PIK3R1: variants seen among roughly 807,000 people sequenced by gnomAD.
PIK3R1 encodes the protein phosphatidylinositol 3-kinase regulatory subunit alpha.
PIK3R1 carries 29 observed loss-of-function variants against 98.0 expected under a neutral mutation model. That is an observed-to-expected ratio of 0.30 (90% confidence interval 0.22 to 0.40). The LOEUF (loss-of-function observed/expected upper bound fraction) is 0.40, where lower values mean the gene tolerates loss of function less well. Among genes scored for constraint, PIK3R1 ranks in the 10% least tolerant of loss-of-function variants. The pLI is 1.00. For synonymous variants in PIK3R1, 282 were observed against 311.8 expected (o/e 0.90, Z 1.01); for missense variants, 596 against 872.7 (o/e 0.68, Z 3.99).
At chr5:68,265,431 A>C (rs1580224873) in intron 2 of PIK3R1, among the ~76,000 whole-genome samples, 1 of 152,268 alleles carries the variant, frequency 6.6e-6, no homozygotes, top group East Asian at 1.9e-4. Flanking sequence ...AGACATTTAG[A>C]AATCTATTTC....
chr5:68,232,793 AG>A (rs1374562165), intron 2 of PIK3R1, among the ~76,000 whole-genome samples: 1 of 152,176 alleles, frequency 6.6e-6, no homozygotes, highest in African/African-American at 2.4e-5. Context: ...AAATGGGAAA[AG>A]GGTCCAGTGT....
In PIK3R1 at chr5:68,297,749, AAAG is replaced by A; in HGVS notation, c.*152_*154del. 1.2e-5 allele frequency: 8 copies of A among 656,520 alleles called. No individual in the cohort carries two copies. The South Asian group carries it at 1.4e-4, about 12-fold the overall frequency. The allele number at this position is 656,520 out of a possible 1,614,324, so 40.7% of individuals were successfully genotyped here. A position where few individuals can be genotyped will look rare whatever the true frequency, so the allele number is the denominator to read the frequency against. ...TGGGACTAGAGCTTTCTTTCACAAAAAAGAAGTAGGGGAAGACATGCAGCCTAA... is the reference window on the plus strand; with the variant it reads ...TGGGACTAGAGCTTTCTTTCACAAAAAAGTAGGGGAAGACATGCAGCCTAA... On this transcript the variant is annotated 3_prime_UTR_variant, in exon 16 of 16. Coordinates refer to ENST00000521381, the MANE Select transcript of PIK3R1 (RefSeq NM_181523.3).
chr5:68,227,016 A>G lies in PIK3R1; in HGVS notation c.334+7A>G, dbSNP rs771259109. 10 of 1,592,352 alleles carry G rather than the reference A, an allele frequency of 6.3e-6. No individual in the cohort carries two copies. Among genetic ancestry groups the G allele is most frequent in the South Asian group, 1.1e-5 (1 of 88,616 alleles). On this transcript the variant is annotated splice_region_variant and intron_variant, in intron 2 of 15. Coordinates refer to ENST00000521381, the MANE Select transcript of PIK3R1 (RefSeq NM_181523.3). ...GCAGATGTTGAACAACAAGGTCAGT[A>G]TTGATAAGTGGTTGCTTAATGACTC...
intron 7 of PIK3R1, 32 bp from the exon 8 acceptor site, chr5:68,292,227 A>G: frequency 7.1e-7 from 1 of 1,402,732 alleles, no homozygotes; most frequent in South Asian, 1.2e-5. Flanking sequence ...TGTAGTTGGG[A>G]TTGCGAACAA....
chr5:68,259,349 C>T (rs1262822636), intron 2 of PIK3R1, among the ~76,000 whole-genome samples: 2 of 152,080 alleles, frequency 1.3e-5, no homozygotes, highest in African/African-American at 4.8e-5. Flanking sequence ...ACAGCGAGAC[C>T]CCACTATTTA....
intron 2 of PIK3R1, among the ~76,000 whole-genome samples, chr5:68,236,497 C>T (rs1015484294): frequency 3.9e-5 from 6 of 152,044 alleles, no homozygotes; most frequent in African/African-American, 1.4e-4. Flanking sequence ...GATCCGCCCA[C>T]CTCGGCCTCC....
At chr5:68,251,403 G>C (rs953901323) in intron 2 of PIK3R1, among the ~76,000 whole-genome samples, 31 of 151,946 alleles carry the variant, frequency 2.0e-4, no homozygotes, top group Non-Finnish European at 3.4e-4. Context: ...ACCCTGTTAG[G>C]TTCCTTTTTT....
chr5:68,290,304 A>G (rs1747318414), intron 7 of PIK3R1, among the ~76,000 whole-genome samples: 1 of 152,230 alleles, frequency 6.6e-6, no homozygotes, highest in South Asian at 2.1e-4. Flanking sequence ...TGACTGGGCT[A>G]TCTATAAACC....
At chr5:68,279,530 G>A (rs1390928624) in intron 4 of PIK3R1, 72 bp from the exon 5 acceptor site, 10 of 1,073,636 alleles carry the variant, frequency 9.3e-6, no homozygotes, top group African/African-American at 1.7e-5. Flanking sequence ...GAGTCAAATT[G>A]TTCAGAAAAT....
At chr5:68,282,866 A>G (rs1362847251) in intron 7 of PIK3R1, among the ~76,000 whole-genome samples, 4 of 152,144 alleles carry the variant, frequency 2.6e-5, no homozygotes, top group African/African-American at 4.8e-5. Context: ...TTTAAACTCT[A>G]GTTTGAGCCG....
intron 15 of PIK3R1, among the ~76,000 whole-genome samples, chr5:68,296,556 T>G (rs1484099715): frequency 6.6e-6 from 1 of 152,206 alleles, no homozygotes; most frequent in Non-Finnish European, 1.5e-5. Context: ...TACCTACTGT[T>G]TAGTTGGAAG....
intron 7 of PIK3R1, chr5:68,288,241 T>A: frequency 4.8e-6 from 1 of 207,232 alleles, no homozygotes; most frequent in Non-Finnish European, 9.2e-6. Context: ...CAGGCGAAAA[T>A]GAGCAAGTTG....
intron 2 of PIK3R1, among the ~76,000 whole-genome samples, chr5:68,246,877 A>G (rs1393544826): frequency 6.8e-6 from 1 of 147,570 alleles, no homozygotes; most frequent in African/African-American, 2.5e-5. Context: ...TGGTTTTATG[A>G]TTACTGTCAA....
chr5:68,238,967 A>T (rs1744772628), intron 2 of PIK3R1, among the ~76,000 whole-genome samples: 1 of 141,642 alleles, frequency 7.1e-6, no homozygotes, highest in Non-Finnish European at 1.6e-5. Context: ...CTTTCTAGCA[A>T]TAAATGCCAA....
At chr5:68,254,833 T>C (rs1003206015) in intron 2 of PIK3R1, among the ~76,000 whole-genome samples, 2 of 82,422 alleles carry the variant, frequency 2.4e-5, no homozygotes, top group African/African-American at 1.2e-4. Flanking sequence ...TTTTTCTTTT[T>C]TTCTTTTTTT....
intron 1 of PIK3R1, among the ~76,000 whole-genome samples, chr5:68,216,915 A>T (rs1743905518): frequency 6.6e-6 from 1 of 152,128 alleles, no homozygotes; most frequent in Non-Finnish European, 1.5e-5. Context: ...AATGGCTGTT[A>T]CGTGTTGAAT....
In PIK3R1 at chr5:68,288,524, GAGCCA is replaced by G. The variant is rs368045702; in HGVS notation, c.917-3731_917-3727del. ...GTGGGGCGGAGGGACGAGCCGAGCCGAGCCAAGCGGAGCTGGGCCACTGTGCACGC... is the reference window on the plus strand; with the variant it reads ...GTGGGGCGGAGGGACGAGCCGAGCCGAGCGGAGCTGGGCCACTGTGCACGC... On this transcript the variant is annotated intron_variant, in intron 7 of 15. Coordinates refer to ENST00000521381, the MANE Select transcript of PIK3R1 (RefSeq NM_181523.3). 1.2e-3 allele frequency: 1,576 copies of G among 1,365,852 alleles called. 6 individuals are homozygous for G. In the Middle Eastern group the frequency reaches 0.013, roughly 11 times the overall value. 84.6% of individuals were successfully genotyped at this position (1,365,852 alleles called of 1,614,324 possible). A position where few individuals can be genotyped will look rare whatever the true frequency, so the allele number is the denominator to read the frequency against.
At chr5:68,286,979 A>G (rs1055730908) in intron 7 of PIK3R1, among the ~76,000 whole-genome samples, 2 of 152,224 alleles carry the variant, frequency 1.3e-5, no homozygotes, top group African/African-American at 2.4e-5. Context: ...TGTTATTTCC[A>G]TTGGGAAAGT....
intron 7 of PIK3R1, chr5:68,288,876 A>T (rs1747225459): frequency 6.5e-6 from 6 of 923,948 alleles, no homozygotes; most frequent in East Asian, 4.9e-5. Flanking sequence ...GACAGATGGG[A>T]GATTAGGGGA....
Sources: gnomAD v4.1 joint callset for allele counts (sites outside exome capture counted in the v4.1 genomes callset) on GRCh38, gnomAD v4.1.1 for gene constraint, MANE v1.5 for transcripts, NCBI Gene and HGNC (gene_info 2026-07-23, HGNC 2026-07-21) for gene names.